The following KIAA0825 variants were observed in gnomAD, a reference collection of about 807,000 sequenced individuals.
KIAA0825 encodes the protein KIAA0825, also known as uncharacterized protein KIAA0825.
In KIAA0825, 119 loss-of-function variants were observed where a neutral mutation model predicts 147.6. That is an observed-to-expected ratio of 0.81 (90% CI 0.69 to 0.94). KIAA0825 has a LOEUF of 0.94. KIAA0825 is among the 40% of genes least tolerant of loss of function. The pLI is 0.00. For missense variants in KIAA0825, 1,381 were observed against 1,472.7 expected (o/e 0.94, Z 1.02); for synonymous variants, 470 against 518.1 (o/e 0.91, Z 1.26).
At chr5:94,555,114 A>G (rs1174496780) in intron 2 of KIAA0825, among the ~76,000 whole-genome samples, 4 of 152,254 alleles carry the variant, frequency 2.6e-5, no homozygotes, top group Admixed American at 2.0e-4. Context: ...AAAAAACAAC[A>G]TCATCGACTT....
At chr5:94,354,810 A>C (rs1359587551) in intron 20 of KIAA0825, among the ~76,000 whole-genome samples, 2 of 152,242 alleles carry the variant, frequency 1.3e-5, no homozygotes, top group Admixed American at 6.5e-5. Context: ...CAACGAAAAG[A>C]GTCAAACTCT....
intron 20 of KIAA0825, among the ~76,000 whole-genome samples, chr5:94,365,589 G>C (rs1745728877): frequency 6.6e-6 from 1 of 152,154 alleles, no homozygotes; most frequent in African/African-American, 2.4e-5. Context: ...AGCCATAACT[G>C]AGAAAATTAT....
chr5:94,441,116 T>C (rs1305280730), intron 13 of KIAA0825, among the ~76,000 whole-genome samples: 2 of 152,076 alleles, frequency 1.3e-5, no homozygotes, highest in Non-Finnish European at 2.9e-5. Flanking sequence ...GCATTATCAT[T>C]AGCAGATGCA....
chr5:94,618,232 C>T (rs1306709154), intron 1 of KIAA0825: 1 of 152,278 alleles, frequency 6.6e-6, no homozygotes, highest in Non-Finnish European at 1.5e-5. Flanking sequence ...AGTCACGGTA[C>T]ACGGTGTCTT....
chr5:94,471,436 G>A, intron 9 of KIAA0825, 30 bp downstream of exon 9: 1 of 1,544,296 alleles, frequency 6.5e-7, no homozygotes, highest in Non-Finnish European at 8.8e-7. Context: ...CTTTAAGCGT[G>A]GCCATCATCT....
intron 1 of KIAA0825, among the ~76,000 whole-genome samples, chr5:94,606,076 A>C (rs2152427736): frequency 6.6e-6 from 1 of 152,286 alleles, no homozygotes; most frequent in Non-Finnish European, 1.5e-5. Context: ...CAGGATACAA[A>C]ATCATACAAA....
rs573519241 is a variant in KIAA0825 at position 94,544,849 on chromosome 5, A to C, written c.-1-7722T>G. Among the ~76,000 whole-genome samples, 14 of 152,252 alleles carry C rather than the reference A, an allele frequency of 9.2e-5. No individual in the cohort carries two copies. The East Asian group carries it at 2.7e-3, about 29-fold the overall frequency. Reference sequence around the variant, plus strand: ...AAGGGTTCTCCGTGCAGGAAAACCAAATTTTAACAACTAAGTACACACAAA... The same window carrying C: ...AAGGGTTCTCCGTGCAGGAAAACCACATTTTAACAACTAAGTACACACAAA... On this transcript the variant is annotated intron_variant, in intron 2 of 20. Transcript: ENST00000682413.
At chr5:94,188,944 G>C (rs1770411177) in intron 20 of KIAA0825, among the ~76,000 whole-genome samples, 1 of 152,146 alleles carries the variant, frequency 6.6e-6, no homozygotes, top group Non-Finnish European at 1.5e-5. Flanking sequence ...ATTATTGGCA[G>C]TCTTTTAACT....
intron 20 of KIAA0825, among the ~76,000 whole-genome samples, chr5:94,335,925 A>T (rs1025620361): frequency 6.6e-6 from 1 of 152,230 alleles, no homozygotes; most frequent in African/African-American, 2.4e-5. Context: ...TTTTTAAGAT[A>T]AAGCTAAGTT....
At chr5:94,611,398 A>G (rs1035517910) in intron 1 of KIAA0825, among the ~76,000 whole-genome samples, 1 of 152,044 alleles carries the variant, frequency 6.6e-6, no homozygotes, top group Admixed American at 6.6e-5. Context: ...TGAAACCACC[A>G]TGTATCTGAA....
At position 94,152,859 on chromosome 5, in the gene KIAA0825, TATATATATATATATATATATATATATATA is replaced by T. The variant is rs1766662395; in HGVS notation, c.*1119_*1147del. ...AAAAAAAAAAAAAAAAAAAAAATTA[TATATATATATATATATATATATATATATA>T]TATATATATATATATGGTTTCTCCC... is the stretch of plus-strand genomic sequence containing the variant. On this transcript the variant is annotated 3_prime_UTR_variant, in exon 21 of 21. Coordinates refer to ENST00000682413, the MANE Select transcript of KIAA0825 (RefSeq NM_001145678.3). 5.5e-4 allele frequency: 2 copies of T among 3,628 alleles called. No individual in the cohort carries two copies. The highest frequency in any genetic ancestry group is 0.019 in the South Asian group (1 of 52). The allele number at this position is 3,628 out of a possible 1,614,324, so 0.2% of individuals were successfully genotyped here. A position where few individuals can be genotyped will look rare whatever the true frequency, so the allele number is the denominator to read the frequency against.
At chr5:94,356,175 T>C (rs953329737) in intron 20 of KIAA0825, among the ~76,000 whole-genome samples, 1 of 152,202 alleles carries the variant, frequency 6.6e-6, no homozygotes, top group Admixed American at 6.5e-5. Flanking sequence ...TTTTAAAAAT[T>C]AATAAGATGA....
intron 20 of KIAA0825, among the ~76,000 whole-genome samples, chr5:94,215,876 T>G (rs1773147713): frequency 6.6e-6 from 1 of 152,126 alleles, no homozygotes; most frequent in African/African-American, 2.4e-5. Flanking sequence ...TAAGCATCCC[T>G]GAGGACTCTC....
chr5:94,190,491 A>ATTTTTTTTTTTTTTT (rs70975895), intron 20 of KIAA0825, among the ~76,000 whole-genome samples: 1 of 106,302 alleles, frequency 9.4e-6, no homozygotes, highest in Non-Finnish European at 1.9e-5. Context: ...ACGCCCAGCT[A>ATTTTTTTTTTTTTTT]TTTTTTTTTT....
intron 20 of KIAA0825, among the ~76,000 whole-genome samples, chr5:94,167,308 G>A (rs1056069768): frequency 6.6e-6 from 1 of 152,134 alleles, no homozygotes; most frequent in Non-Finnish European, 1.5e-5. Flanking sequence ...TAGGTAACTC[G>A]AAAGTTGATT....
chr5:94,171,231 C>T (rs1402936069), intron 20 of KIAA0825, among the ~76,000 whole-genome samples: 4 of 152,126 alleles, frequency 2.6e-5, no homozygotes, highest in African/African-American at 9.7e-5. Context: ...CACACAAGGT[C>T]AGATGGTTTT....
intron 14 of KIAA0825, among the ~76,000 whole-genome samples, chr5:94,429,749 G>A (rs1755411402): frequency 6.6e-6 from 1 of 152,228 alleles, no homozygotes; most frequent in Non-Finnish European, 1.5e-5. Flanking sequence ...ACAGGCATCA[G>A]TGCCAAGGGA....
intron 20 of KIAA0825, among the ~76,000 whole-genome samples, chr5:94,199,596 A>G (rs1490679648): frequency 6.6e-6 from 1 of 151,974 alleles, no homozygotes; most frequent in Admixed American, 6.6e-5. Flanking sequence ...AAGTTGGGGG[A>G]CCACACACAC....
intron 1 of KIAA0825, among the ~76,000 whole-genome samples, chr5:94,608,505 ATATT>A (rs1788077278): frequency 8.2e-5 from 2 of 24,348 alleles, no homozygotes; most frequent in African/African-American, 1.3e-4. Context: ...ATATATATAT[ATATT>A]TTTTTTTAGA....
Sources: gnomAD v4.1 joint callset for allele counts (sites outside exome capture counted in the v4.1 genomes callset) on GRCh38, gnomAD v4.1.1 for gene constraint, MANE v1.5 for transcripts, NCBI Gene and HGNC (gene_info 2026-07-23, HGNC 2026-07-21) for gene names.